The following ERCC5 variants were observed in gnomAD, a reference collection of about 807,000 sequenced individuals.
ERCC5 encodes the protein DNA excision repair protein ERCC-5.
Under a neutral mutation model 105.6 loss-of-function variants are expected in ERCC5, and 68 were observed. The ratio of observed to expected loss-of-function variants is 0.64; its 90% CI spans 0.53 to 0.79. ERCC5 has a LOEUF of 0.79. Ranked by LOEUF, ERCC5 falls within the 30% of genes least tolerant of loss-of-function variation. The pLI, the probability that ERCC5 is intolerant of heterozygous loss-of-function variation, is 0.00. For synonymous variants in ERCC5, 546 were observed against 526.2 expected (o/e 1.04, Z -0.51); for missense variants, 1,373 against 1,426.7 (o/e 0.96, Z 0.61).
intron 6 of ERCC5, chr13:102,858,969 C>T (rs541952352): frequency 2.2e-6 from 1 of 456,004 alleles, no homozygotes; most frequent in Admixed American, 2.3e-5. Flanking sequence ...TTCCCTTGCC[C>T]TCTTCCTGGA....
At position 102,854,261 on chromosome 13, in the gene ERCC5, C is replaced by A. The variant is rs1180374556; in HGVS notation, c.381-27C>A. The A allele has an allele frequency of 1.9e-6, 3 of 1,612,638 alleles. No homozygotes were observed. The African/African-American group carries it at 4.0e-5, about 22-fold the overall frequency. On this transcript the variant is annotated intron_variant, in intron 3 of 14. Coordinates refer to ENST00000652225, the MANE Select transcript of ERCC5 (RefSeq NM_000123.4). Reference sequence around the variant, plus strand: ...CCATCCTGAGCAGGGTCTGCATAATCTGTTTAAAGATTTGTGTACTTTCCA... The same window carrying A: ...CCATCCTGAGCAGGGTCTGCATAATATGTTTAAAGATTTGTGTACTTTCCA...
Position 102,866,638 on chromosome 13 carries a change from C to T in ERCC5, c.2326C>T (p.Leu776=), listed in dbSNP as rs1312126568. The change falls in exon 11 of 15, where the codon CTG becomes TTG. Residue 776 remains leucine, a synonymous_variant. Transcript: ENST00000652225. ...TGTACCCCTCACTCTGCAGGAACTC[C>T]TGCGCCTGTTCGGCATTCCCTACAT... ...GQMFLESQEL[L]RLFGIPYIQA... 1.9e-6 allele frequency: 3 copies of T among 1,613,160 alleles called. No homozygotes were observed. The highest frequency in any genetic ancestry group is 3.3e-5 in the Admixed American group (2 of 60,008).
In ERCC5 at chr13:102,852,190, A is replaced by G. The variant is rs748185385; in HGVS notation, c.161A>G (p.His54Arg). The G allele has an allele frequency of 1.2e-6, 2 of 1,614,110 alleles. No individual in the cohort carries two copies. The highest frequency in any genetic ancestry group is 2.2e-5 in the East Asian group (1 of 44,872). Residue 54 changes from histidine to arginine, a missense_variant, in exon 2 of 15, where the codon CAT (histidine) becomes CGT (arginine). Coordinates refer to ENST00000652225, the MANE Select transcript of ERCC5 (RefSeq NM_000123.4). ...CATGGGAACTCAATAGAAAATCCTC[A>G]TCTTCTCACTTTGTTTCATCGGCTC... ...DRHGNSIENP[H>R]LLTLFHRLCK...
intron 12 of ERCC5, among the ~76,000 whole-genome samples, chr13:102,871,297 T>TCTTGAGCAGGG (rs1883025635): frequency 6.6e-6 from 1 of 152,308 alleles, no homozygotes; most frequent in East Asian, 1.9e-4. Context: ...ATGGCCGCCC[T>TCTTGAGCAGGG]GCTCAAGAGG....
chr13:102,864,890 C>T (rs543275859), intron 8 of ERCC5: 2 of 152,486 alleles, frequency 1.3e-5, no homozygotes, highest in East Asian at 1.9e-4. Context: ...CTGACATCTG[C>T]AATTCCATGG....
rs749014983 is a variant in ERCC5 at position 102,868,167 on chromosome 13, C to T, written c.2588C>T (p.Thr863Ile). The change falls in exon 12 of 15, where the codon ACC becomes ATC. Residue 863 changes from threonine to isoleucine, a missense_variant. Coordinates refer to ENST00000652225, the MANE Select transcript of ERCC5 (RefSeq NM_000123.4). ...GCTTATTTGCTTGGAAGTGATTATA[C>T]CGAAGGAATACCAACTGTGGGTTGT... ...NLAYLLGSDY[T>I]EGIPTVGCVT... 1.2e-6 allele frequency: 2 copies of T among 1,614,018 alleles called. No homozygotes were observed. The highest frequency in any genetic ancestry group is 1.7e-6 in the Non-Finnish European group (2 of 1,180,034).
At chr13:102,846,539 G>C (rs1243513273) in intron 1 of ERCC5, among the ~76,000 whole-genome samples, 185 bp downstream of exon 1, 2 of 152,054 alleles carry the variant, frequency 1.3e-5, no homozygotes, top group African/African-American at 4.8e-5. Context: ...CGGGGCTTTG[G>C]TTCCAGCCCC....
intron 14 of ERCC5, 116 bp downstream of exon 14, chr13:102,873,459 G>C: frequency 8.8e-7 from 1 of 1,137,546 alleles, no homozygotes; most frequent in African/African-American, 1.5e-5. Context: ...TTGAAATTAG[G>C]ATAATTTAGA....
intron 1 of ERCC5, among the ~76,000 whole-genome samples, chr13:102,850,135 A>G (rs369761614): frequency 2.6e-5 from 4 of 152,194 alleles, no homozygotes; most frequent in Admixed American, 2.0e-4. Context: ...CATTTTGGCC[A>G]GGATGGTCTC....
At chr13:102,852,558 C>T (rs1369860486) in intron 2 of ERCC5, among the ~76,000 whole-genome samples, 1 of 152,126 alleles carries the variant, frequency 6.6e-6, no homozygotes, top group African/African-American at 2.4e-5. Context: ...AGAGTTTTCC[C>T]TTCAGAGGAT....
At chr13:102,874,876 A>G (rs1883158677) in intron 14 of ERCC5, 2 of 162,546 alleles carry the variant, frequency 1.2e-5, no homozygotes, top group Non-Finnish European at 2.7e-5. Context: ...TATTTCTTAC[A>G]GTTGCTAATA....
rs1037173210 is a variant in ERCC5 at position 102,856,169 on chromosome 13, G to T, written c.528+57G>T. On this transcript the variant is annotated intron_variant, in intron 5 of 14. Coordinates refer to ENST00000652225, the MANE Select transcript of ERCC5 (RefSeq NM_000123.4). ...TTCTGTTATTTGAAATGAATGACAT[G>T]AAAATGAATATTAATGAGGTATATC... is the stretch of plus-strand genomic sequence containing the variant. 1.9e-6 allele frequency: 3 copies of T among 1,538,608 alleles called. No individual in the cohort carries two copies. The African/African-American group carries it at 4.1e-5, about 21-fold the overall frequency.
At chr13:102,871,490 G>A (rs1323326123) in intron 12 of ERCC5, among the ~76,000 whole-genome samples, 1 of 152,020 alleles carries the variant, frequency 6.6e-6, no homozygotes, top group Non-Finnish European at 1.5e-5. Context: ...AGTTGTTAGT[G>A]TTATTTATTT....
chr13:102,868,007 GGATATA>G lies in ERCC5; in HGVS notation c.2534-93_2534-88del, dbSNP rs1439499628. Reference sequence around the variant, plus strand: ...AAATAATAAGATATTTTTGGTGGTTGGATATAGATATAGATATACACACGTACATGA... The same window carrying G: ...AAATAATAAGATATTTTTGGTGGTTGGATATAGATATACACACGTACATGA... On this transcript the variant is annotated intron_variant, in intron 11 of 14. Coordinates refer to ENST00000652225, the MANE Select transcript of ERCC5 (RefSeq NM_000123.4). 2.7e-5 allele frequency: 28 copies of G among 1,035,056 alleles called. No homozygotes were observed. The Admixed American group carries it at 3.0e-4, about 11-fold the overall frequency. 64.1% of individuals were successfully genotyped at this position (1,035,056 alleles called of 1,614,324 possible).
At chr13:102,856,821 G>A (rs1490623818) in intron 5 of ERCC5, among the ~76,000 whole-genome samples, 2 of 152,180 alleles carry the variant, frequency 1.3e-5, no homozygotes, top group African/African-American at 4.8e-5. Context: ...TCTCCACGTG[G>A]CCTGGGCATT....
At chr13:102,867,730 A>C (rs1882887590) in intron 11 of ERCC5, among the ~76,000 whole-genome samples, 1 of 152,164 alleles carries the variant, frequency 6.6e-6, no homozygotes, top group Admixed American at 6.5e-5. Context: ...GCCTTCAGTA[A>C]GACAAGGAGG....
chr13:102,849,329 T>C (rs755764492), intron 1 of ERCC5: 4 of 518,894 alleles, frequency 7.7e-6, no homozygotes, highest in Admixed American at 5.8e-5. Flanking sequence ...CCTTAAATCA[T>C]GTTCTAGAAA....
At chr13:102,864,126 C>CA (rs1555326404) in intron 8 of ERCC5, among the ~76,000 whole-genome samples, 1 of 140,918 alleles carries the variant, frequency 7.1e-6, no homozygotes, top group African/African-American at 2.7e-5. Context: ...AGAGAATCAA[C>CA]CACACACACA....
intron 1 of ERCC5, among the ~76,000 whole-genome samples, chr13:102,847,795 A>G (rs1412828278): frequency 1.3e-5 from 2 of 152,244 alleles, no homozygotes; most frequent in African/African-American, 4.8e-5. Context: ...GTTAGTTTTC[A>G]GTGACAAGAA....
Sources: allele counts gnomAD v4.1 joint callset (sites outside exome capture counted in the v4.1 genomes callset), GRCh38; gene constraint gnomAD v4.1.1; transcripts MANE v1.5; gene names NCBI Gene and HGNC (gene_info 2026-07-23, HGNC 2026-07-21).